Variants in ASPSCR1 observed in about 807,000 individuals in gnomAD.
ASPSCR1 encodes tether containing UBX domain for GLUT4.
A neutral mutation model predicts 68.9 loss-of-function variants in ASPSCR1; 55 were observed. The observed-to-expected ratio is 0.80, with a 90% CI of 0.64 to 1.00. The LOEUF is 1.00. Among genes scored for constraint, ASPSCR1 ranks in the 50% least tolerant of loss-of-function variants. ASPSCR1 has a pLI of 0.00. For synonymous variants in ASPSCR1, 352 were observed against 332.6 expected (o/e 1.06, Z -0.63); for missense variants, 765 against 762.2 (o/e 1.00, Z -0.04).
At chr17:82,012,094 G>A (rs933253254) in intron 11 of ASPSCR1, 137 bp from the exon 12 acceptor site, 5 of 1,053,576 alleles carry the variant, frequency 4.7e-6, no homozygotes, top group Non-Finnish European at 7.2e-6. Context: ...CAGGAGTGTG[G>A]GCACAGGGCG....
Position 82,017,349 on chromosome 17 carries a change from C to T in ASPSCR1, c.*27C>T, listed in dbSNP as rs758969894. 3.8e-5 allele frequency: 61 copies of T among 1,611,690 alleles called. No individual in the cohort carries two copies. The highest frequency in any genetic ancestry group is 8.8e-5 in the South Asian group (8 of 91,090). ...AGCTGCCAGCCTGAGGTGCCCACTC[C>T]GCCAGCCACAGGACCACCTCCTCTG... On this transcript the variant is annotated 3_prime_UTR_variant, in exon 16 of 16. Transcript: ENST00000306739.
rs1158591735 is a variant in ASPSCR1 at position 81,979,205 on chromosome 17, C to T, written c.124C>T (p.Arg42Trp). ...CCAGGTTCTGGAGGACACGTGCCGG[C>T]GGCAGGACTTCAACCCCTGTGAATA... ...LLQVLEDTCR[R>W]QDFNPCEYDL... The change falls in exon 2 of 16, where the codon CGG becomes TGG. Residue 42 changes from arginine to tryptophan, a missense_variant. Coordinates refer to ENST00000306739, the MANE Select transcript of ASPSCR1 (RefSeq NM_024083.4). 6.8e-6 allele frequency: 11 copies of T among 1,613,966 alleles called. No individual in the cohort carries two copies. Among genetic ancestry groups the T allele is most frequent in the South Asian group, 3.3e-5 (3 of 91,088 alleles).
chr17:81,987,603 G>A lies in ASPSCR1; in HGVS notation c.374+1996G>A, dbSNP rs2042038343. ...GGCTGCCACTGGGGAGGGGCCGAGG[G>A]TGTCTGGAGAGGTGGGGCCGGCATT... On this transcript the variant is annotated intron_variant, in intron 4 of 15. Transcript: ENST00000306739. This position sits in a 1 kb window ranked among gnomAD's most constrained non-coding sequence, Gnocchi z 5.6. 6.6e-6 allele frequency among the ~76,000 whole-genome samples: 1 copy of A among 152,218 alleles called. No homozygotes were observed. Among genetic ancestry groups the A allele is most frequent in the African/African-American group, 2.4e-5 (1 of 41,448 alleles).
In ASPSCR1 at chr17:81,985,511, G is replaced by C. The variant is rs149772045; in HGVS notation, c.278G>C (p.Arg93Pro). 1.9e-6 allele frequency: 3 copies of C among 1,613,842 alleles called. No individual in the cohort carries two copies. The highest frequency in any genetic ancestry group is 1.7e-5 in the Admixed American group (1 of 60,014). Residue 93 changes from arginine to proline, a missense_variant, in exon 4 of 16, where the codon CGC (arginine) becomes CCC (proline). Transcript: ENST00000306739. ...RSREGPENMVRIALQLDDGSR... is the reference protein window; with the variant it reads ...RSREGPENMVPIALQLDDGSR... The stretch of plus-strand genomic sequence containing the variant: ...CTCATGTCTTATACCCTCCAGGTTC[G>C]CATCGCTTTGCAGCTGGACGATGGC...
In ASPSCR1 at chr17:81,998,949, C is replaced by T. The variant is rs34231047; in HGVS notation, c.933+2103C>T. Among the ~76,000 whole-genome samples, 858 of 152,360 alleles carry T rather than the reference C, an allele frequency of 5.6e-3. 2 individuals are homozygous for T. The highest frequency in any genetic ancestry group is 8.2e-3 in the Non-Finnish European group (555 of 68,044). ...GGCTGTGGCCTGACCCTCTCCCTCA[C>T]GCCTCCCCCCAACCGTGGGGACCTC... On this transcript the variant is annotated intron_variant, in intron 7 of 15. Coordinates refer to ENST00000306739, the MANE Select transcript of ASPSCR1 (RefSeq NM_024083.4).
intron 4 of ASPSCR1, among the ~76,000 whole-genome samples, chr17:81,988,350 A>G (rs984855828): frequency 4.0e-5 from 6 of 151,420 alleles, no homozygotes; most frequent in Non-Finnish European, 8.8e-5. Context: ...AGTCCCAGCT[A>G]CTCAGGAGGC....
chr17:81,988,817 A>G (rs2042077335), intron 4 of ASPSCR1, among the ~76,000 whole-genome samples: 1 of 152,200 alleles, frequency 6.6e-6, no homozygotes. Context: ...GGGTTGCAGC[A>G]GAGTGTGCAG....
At chr17:81,988,943 C>T (rs2144021692) in intron 4 of ASPSCR1, among the ~76,000 whole-genome samples, 1 of 152,322 alleles carries the variant, frequency 6.6e-6, no homozygotes, top group African/African-American at 2.4e-5. Flanking sequence ...CATGGCGGCT[C>T]TCACCTGTAA....
chr17:81,984,948 C>CGCACACACCCCACACACCT (rs2041928466), intron 3 of ASPSCR1, among the ~76,000 whole-genome samples: 1 of 125,330 alleles, frequency 8.0e-6, no homozygotes, highest in Non-Finnish European at 1.7e-5. Flanking sequence ...CGCACACACC[C>CGCACACACCCCACACACCT]GCACACACCC....
intron 12 of ASPSCR1, chr17:82,013,886 A>G (rs1776821547): frequency 6.6e-6 from 1 of 151,608 alleles, no homozygotes; most frequent in Admixed American, 6.6e-5. Context: ...TGGTGTCCTC[A>G]CACAGTCACT....
In ASPSCR1 at chr17:81,997,929, C is replaced by T. The variant is rs938179216; in HGVS notation, c.933+1083C>T. On this transcript the variant is annotated intron_variant, in intron 7 of 15. Coordinates refer to ENST00000306739, the MANE Select transcript of ASPSCR1 (RefSeq NM_024083.4). The stretch of plus-strand genomic sequence containing the variant: ...GTAACCTCCACCTCCCGGGTTCAAG[C>T]GATTCTCCTGCCTCAGCCTCCCAAG... Among the ~76,000 whole-genome samples, 10 of 147,588 alleles carry T rather than the reference C, an allele frequency of 6.8e-5. No homozygotes were observed. In the South Asian group the frequency reaches 1.7e-3, roughly 26 times the overall value.
At chr17:81,994,092 T>C (rs1052523743) in intron 4 of ASPSCR1, among the ~76,000 whole-genome samples, 1 of 152,218 alleles carries the variant, frequency 6.6e-6, no homozygotes, top group Non-Finnish European at 1.5e-5. Flanking sequence ...GTTCACATGC[T>C]CTGGGGCTGG....
chr17:81,993,520 G>C (rs1426335770), intron 4 of ASPSCR1, among the ~76,000 whole-genome samples: 3 of 152,182 alleles, frequency 2.0e-5, no homozygotes, highest in African/African-American at 7.2e-5. Flanking sequence ...GCTGAGTCCT[G>C]CTCTTTCAAG....
chr17:82,017,184 G>A, intron 15 of ASPSCR1, 71 bp downstream of exon 15: 6 of 1,576,592 alleles, frequency 3.8e-6, no homozygotes, highest in Non-Finnish European at 5.2e-6. Context: ...CTGTGGCAGG[G>A]TCAGTGGGCT....
Position 81,996,785 on chromosome 17 carries a change from C to T in ASPSCR1, c.872C>T (p.Pro291Leu), listed in dbSNP as rs1369482681. 2 of 1,611,414 alleles carry T rather than the reference C, an allele frequency of 1.2e-6. No individual in the cohort carries two copies. Among genetic ancestry groups the T allele is most frequent in the Admixed American group, 3.4e-5 (2 of 59,284 alleles). Reference sequence around the variant, plus strand: ...AAGAAGTCCAAGTCGGGCCAGGATCCCCAGCAGGAGCAGGAGCAGGAGCGG... The same window carrying T: ...AAGAAGTCCAAGTCGGGCCAGGATCTCCAGCAGGAGCAGGAGCAGGAGCGG... ...KPKKSKSGQDPQQEQEQERER... is the reference protein window; with the variant it reads ...KPKKSKSGQDLQQEQEQERER... Residue 291 changes from proline (P) to leucine (L), a missense_variant, in exon 7 of 16, where the codon CCC becomes CTC. Physicochemically the swap from Pro to Leu is moderately conservative, Grantham distance 98. Coordinates refer to ENST00000306739, the MANE Select transcript of ASPSCR1 (RefSeq NM_024083.4).
chr17:82,001,935 T>C (rs1003426080), intron 7 of ASPSCR1, among the ~76,000 whole-genome samples: 2 of 151,904 alleles, frequency 1.3e-5, no homozygotes, highest in African/African-American at 4.8e-5. Flanking sequence ...GACGGGCTCA[T>C]GGTCAGCCCA....
chr17:82,011,961 T>C (rs887780623), intron 11 of ASPSCR1: 2 of 615,132 alleles, frequency 3.3e-6, no homozygotes, highest in African/African-American at 3.7e-5. Context: ...CCTTGGAGGG[T>C]GTCTAGGTGG....
chr17:81,979,611 C>T (rs376642185), intron 2 of ASPSCR1, among the ~76,000 whole-genome samples: 4 of 152,306 alleles, frequency 2.6e-5, no homozygotes, highest in East Asian at 3.9e-4. Context: ...GACCAGGATC[C>T]CTAGTAAGAT....
chr17:81,994,872 G>A lies in ASPSCR1; in HGVS notation c.426G>A (p.Arg142=), dbSNP rs765133691. ...GGATPVCVYT[R]DEVTGEAALR... is the part of the protein sequence containing the mutation. ...CCACCCCAGTCTGCGTGTACACGAG[G>A]GATGAGGTAGGCGGCCTGCTCTTGC... is the stretch of plus-strand genomic sequence containing the variant. Residue 142 remains arginine (R), a synonymous_variant, in exon 5 of 16, where the codon AGG becomes AGA. Coordinates refer to ENST00000306739, the MANE Select transcript of ASPSCR1 (RefSeq NM_024083.4). The A allele has an allele frequency of 6.8e-6, 11 of 1,611,722 alleles. No homozygotes were observed. The highest frequency in any genetic ancestry group is 8.5e-6 in the Non-Finnish European group (10 of 1,179,170).
Sources: allele counts gnomAD v4.1 joint callset (sites outside exome capture counted in the v4.1 genomes callset), GRCh38; gene constraint gnomAD v4.1.1; non-coding constraint Gnocchi (gnomAD v3.1); transcripts MANE v1.5; gene names NCBI Gene and HGNC (gene_info 2026-07-23, HGNC 2026-07-21).